CTNNA3: variants seen among roughly 807,000 people sequenced by gnomAD.
The protein encoded by CTNNA3 is catenin alpha 3.
Under a neutral mutation model 95.7 loss-of-function variants are expected in CTNNA3, and 76 were observed. The ratio of observed to expected loss-of-function variants is 0.79; its 90% CI spans 0.66 to 0.96. CTNNA3 has a LOEUF of 0.96. Among genes scored for constraint, CTNNA3 ranks in the 40% least tolerant of loss-of-function variants. The pLI, the probability that CTNNA3 is intolerant of heterozygous loss-of-function variation, is 0.00. For synonymous variants in CTNNA3, 431 were observed against 374.4 expected, an observed-to-expected ratio of 1.15 and a Z score of -1.74; for missense variants, 1,191 against 1,089.8, an observed-to-expected ratio of 1.09 and a Z score of -1.31.
At chr10:67,476,899 T>A (rs1329154900) in intron 5 of CTNNA3, among the ~76,000 whole-genome samples, 3 of 151,368 alleles carry the variant, frequency 2.0e-5, no homozygotes, top group African/African-American at 7.3e-5. Context: ...CTCAAGCAGA[T>A]CTCCAGGCAT....
intron 17 of CTNNA3, among the ~76,000 whole-genome samples, chr10:65,956,749 G>C (rs1189380654): frequency 2.0e-5 from 3 of 152,228 alleles, no homozygotes; most frequent in African/African-American, 7.2e-5. Flanking sequence ...TGTGGTCTGA[G>C]AGACAGTTTG....
intron 7 of CTNNA3, among the ~76,000 whole-genome samples, chr10:67,072,792 G>C (rs1207675620): frequency 6.6e-6 from 1 of 152,072 alleles, no homozygotes; most frequent in Non-Finnish European, 1.5e-5. Context: ...TCTTCAAAAA[G>C]AGTTCAATGG....
At chr10:66,295,970 T>C (rs1219465534) in intron 12 of CTNNA3, among the ~76,000 whole-genome samples, 1 of 152,226 alleles carries the variant, frequency 6.6e-6, no homozygotes, top group Admixed American at 6.5e-5. Context: ...ATGATTTCCT[T>C]AGTCTTTCTT....
chr10:66,668,422 A>ATGTGTGTGTGTGTGTGTG (rs3055580), intron 9 of CTNNA3, among the ~76,000 whole-genome samples: 6 of 146,912 alleles, frequency 4.1e-5, no homozygotes, highest in African/African-American at 1.3e-4. Flanking sequence ...CAACTCTCAT[A>ATGTGTGTGTGTGTGTGTG]TGTGTGTGTG....
At chr10:67,743,722 G>A (rs1301232961) in intron 1 of CTNNA3, among the ~76,000 whole-genome samples, 1 of 151,274 alleles carries the variant, frequency 6.6e-6, no homozygotes, top group Non-Finnish European at 1.5e-5. Context: ...GTCCCTGTTT[G>A]CAGATGACAT....
intron 7 of CTNNA3, among the ~76,000 whole-genome samples, chr10:66,845,705 A>AAAAAATAAATAAAT (rs1469219376): frequency 4.1e-5 from 3 of 73,138 alleles, no homozygotes; most frequent in Non-Finnish European, 4.9e-5. Flanking sequence ...CTCTGTCTCA[A>AAAAAATAAATAAAT]AAAAAAAAAA....
At chr10:66,232,525 T>G (rs1055193027) in intron 13 of CTNNA3, among the ~76,000 whole-genome samples, 1 of 152,138 alleles carries the variant, frequency 6.6e-6, no homozygotes, top group Non-Finnish European at 1.5e-5. Context: ...TTCAATGCAA[T>G]GTACATAAAA....
chr10:66,946,945 T>C (rs1225008551), intron 7 of CTNNA3, among the ~76,000 whole-genome samples: 1 of 152,182 alleles, frequency 6.6e-6, no homozygotes, highest in Admixed American at 6.5e-5. Context: ...ATCTTAATCT[T>C]AGAATATTTT....
chr10:66,731,548 T>A (rs1564645495), intron 9 of CTNNA3, among the ~76,000 whole-genome samples: 1 of 152,188 alleles, frequency 6.6e-6, no homozygotes, highest in Non-Finnish European at 1.5e-5. Context: ...AAGCTGTTAA[T>A]AGCTAAGGAC....
At chr10:66,533,318 C>T (rs1841535473) in intron 10 of CTNNA3, among the ~76,000 whole-genome samples, 1 of 152,104 alleles carries the variant, frequency 6.6e-6, no homozygotes, top group Non-Finnish European at 1.5e-5. Context: ...ATTATTTTCT[C>T]ACGAAAACTT....
At chr10:66,079,092 G>A (rs1425704936) in intron 14 of CTNNA3, 1 of 151,890 alleles carries the variant, frequency 6.6e-6, no homozygotes, top group Non-Finnish European at 1.5e-5. Context: ...TTATAAATAA[G>A]CTTTCCTGCT....
rs952285929 is a variant in CTNNA3 at position 66,933,999 on chromosome 10, T to G, written c.1048-158475A>C. Among the ~76,000 whole-genome samples the G allele has an allele frequency of 5.9e-5, 9 of 152,182 alleles. No individual in the cohort carries two copies. In the South Asian group the frequency reaches 1.9e-3, roughly 32 times the overall value. Reference sequence around the variant, plus strand: ...GTTGTGAGTTTTCTGACATTTTAACTTCATAGGGTCATGAATGGACGCTCT... The same window carrying G: ...GTTGTGAGTTTTCTGACATTTTAACGTCATAGGGTCATGAATGGACGCTCT... On this transcript the variant is annotated intron_variant, in intron 7 of 17. Coordinates refer to ENST00000433211, the MANE Select transcript of CTNNA3 (RefSeq NM_013266.4).
At chr10:66,766,194 T>G (rs1839843698) in intron 9 of CTNNA3, 70 bp downstream of exon 9, 1 of 1,510,282 alleles carries the variant, frequency 6.6e-7, no homozygotes, top group Non-Finnish European at 9.1e-7. Context: ...TAGGTACAAT[T>G]CAACCATAAA....
At chr10:67,659,798 A>G (rs1436841568) in intron 1 of CTNNA3, among the ~76,000 whole-genome samples, 1 of 152,238 alleles carries the variant, frequency 6.6e-6, no homozygotes, top group East Asian at 1.9e-4. Context: ...ATAATATTGT[A>G]AAACAGCTCA....
intron 11 of CTNNA3, among the ~76,000 whole-genome samples, chr10:66,516,750 T>A (rs921552939): frequency 2.0e-5 from 3 of 152,304 alleles, no homozygotes; most frequent in Admixed American, 1.3e-4. Context: ...TTTTGACCTA[T>A]GACAAGTAAG....
intron 15 of CTNNA3, among the ~76,000 whole-genome samples, chr10:66,065,230 G>GTTT (rs66776665): frequency 9.7e-6 from 1 of 102,824 alleles, no homozygotes; most frequent in Non-Finnish European, 2.2e-5. Context: ...GGTTTAAATG[G>GTTT]TTTTTTTTTG....
At chr10:65,953,560 G>A (rs1351019637) in intron 17 of CTNNA3, among the ~76,000 whole-genome samples, 13 of 135,422 alleles carry the variant, frequency 9.6e-5, no homozygotes, top group South Asian at 7.9e-4. Flanking sequence ...GACAGGCCCC[G>A]GTGTGTGATG....
intron 5 of CTNNA3, among the ~76,000 whole-genome samples, chr10:67,399,184 C>T (rs751321879): frequency 6.6e-6 from 1 of 151,990 alleles, no homozygotes; most frequent in Non-Finnish European, 1.5e-5. Flanking sequence ...GAGAGACAGG[C>T]ACCCTCCATG....
intron 9 of CTNNA3, among the ~76,000 whole-genome samples, chr10:66,723,190 A>G (rs1272423004): frequency 6.6e-6 from 1 of 152,198 alleles, no homozygotes; most frequent in Admixed American, 6.5e-5. Context: ...TGAATATAAA[A>G]TTAGCTGGTA....
Sources: gnomAD v4.1 joint callset for allele counts (sites outside exome capture counted in the v4.1 genomes callset) on GRCh38, gnomAD v4.1.1 for gene constraint, MANE v1.5 for transcripts, NCBI Gene and HGNC (gene_info 2026-07-23, HGNC 2026-07-21) for gene names.